The following SPOUT1 variants were observed in gnomAD, a reference collection of about 807,000 sequenced individuals.
The protein encoded by SPOUT1 is SPOUT domain containing methyltransferase 1, also known as 28S rRNA (uridine-N(3))-methyltransferase.
In SPOUT1, 40 loss-of-function variants were observed where a neutral mutation model predicts 54.8. The observed-to-expected ratio is 0.73, with a 90% CI of 0.57 to 0.95. The LOEUF is 0.95. SPOUT1 is among the 40% of genes least tolerant of loss of function. SPOUT1 has a pLI of 0.00. For synonymous variants in SPOUT1, 193 were observed against 200.3 expected (o/e 0.96, Z 0.31); for missense variants, 437 against 499.5 (o/e 0.87, Z 1.19).
chr9:128,825,867 T>C, intron 7 of SPOUT1, 155 bp downstream of exon 7: 1 of 832,218 alleles, frequency 1.2e-6, no homozygotes, highest in Non-Finnish European at 1.9e-6. Context: ...CCTGGCTTTA[T>C]CTATTGAGCC....
In SPOUT1 at chr9:128,821,072, GC is replaced by G; in HGVS notation, c.*1692del. 19 of 568,832 alleles carry G rather than the reference GC, an allele frequency of 3.3e-5. No homozygotes were observed. Among genetic ancestry groups the G allele is most frequent in the South Asian group, 1.5e-4 (7 of 47,346 alleles). The allele number at this position is 568,832 out of a possible 1,614,324, so 35.2% of individuals were successfully genotyped here. A position where few individuals can be genotyped will look rare whatever the true frequency, so the allele number is the denominator to read the frequency against. Reference sequence around the variant, plus strand: ...ACCATCTCTCCTCTGCCCATGGGCAGCAGCAGGCCCTGAATCTGCCCCCGCT... The same window carrying G: ...ACCATCTCTCCTCTGCCCATGGGCAGAGCAGGCCCTGAATCTGCCCCCGCT... On this transcript the variant is annotated 3_prime_UTR_variant, in exon 12 of 12. Transcript: ENST00000361256.
At position 128,820,667 on chromosome 9, in the gene SPOUT1, C is replaced by T; in HGVS notation, c.*2098G>A. 2 of 1,325,444 alleles carry T rather than the reference C, an allele frequency of 1.5e-6. No individual in the cohort carries two copies. Among genetic ancestry groups the T allele is most frequent in the East Asian group, 2.5e-5 (1 of 40,248 alleles). The allele number at this position is 1,325,444 out of a possible 1,614,324, so 82.1% of individuals were successfully genotyped here. On this transcript the variant is annotated 3_prime_UTR_variant, in exon 12 of 12. Coordinates refer to ENST00000361256, the MANE Select transcript of SPOUT1 (RefSeq NM_016390.4). ...TCTGAGCCTGTCCATCCCCTCAGGA[C>T]CTGGGGCGGCCCTCTGATAGAGGAG... is the stretch of plus-strand genomic sequence containing the variant.
At chr9:128,823,577 A>G (rs1466642659) in intron 11 of SPOUT1, among the ~76,000 whole-genome samples, 170 bp downstream of exon 11, 1 of 152,152 alleles carries the variant, frequency 6.6e-6, no homozygotes, top group Non-Finnish European at 1.5e-5. Flanking sequence ...GTTGACTCCC[A>G]GCTACACTCA....
At chr9:128,825,873 G>C (rs1564435787) in intron 7 of SPOUT1, 149 bp downstream of exon 7, 2 of 887,364 alleles carry the variant, frequency 2.3e-6, no homozygotes, top group East Asian at 4.9e-5. Context: ...TTTATCTATT[G>C]AGCCCCATTT....
In SPOUT1 at chr9:128,826,024, T is replaced by C; in HGVS notation, c.637A>G (p.Lys213Glu). 6.2e-7 allele frequency: 1 copy of C among 1,614,122 alleles called. No homozygotes were observed. Among genetic ancestry groups the C allele is most frequent in the Non-Finnish European group, 8.5e-7 (1 of 1,180,026 alleles). The change falls in exon 7 of 12, where the codon AAG (lysine) becomes GAG (glutamate). Residue 213 changes from lysine to glutamate, a missense_variant and splice_region_variant. Physicochemically the swap from Lys to Glu is moderately conservative, Grantham distance 56. Transcript: ENST00000361256. The surrounding 1 kb of genome is among the most constrained non-coding windows in gnomAD (Gnocchi z 5.5). Reference sequence around the variant, plus strand: ...CTAGCCCATCTTTCTGTTCCTACCTTTTTCATGCCACAGTTGACAAAGGAG... The same window carrying C: ...CTAGCCCATCTTTCTGTTCCTACCTCTTTCATGCCACAGTTGACAAAGGAG... ...HGSFVNCGMK[K>E]EVKIDKNLEP...
Position 128,826,958 on chromosome 9 carries a change from T to C in SPOUT1, c.368+74A>G, listed in dbSNP as rs1042235410. 3 of 1,463,596 alleles carry C rather than the reference T, an allele frequency of 2.0e-6. No individual in the cohort carries two copies. The highest frequency in any genetic ancestry group is 2.8e-5 in the African/African-American group (2 of 72,114). The allele number at this position is 1,463,596 out of a possible 1,614,324, so 90.7% of individuals were successfully genotyped here. A position where few individuals can be genotyped will look rare whatever the true frequency, so the allele number is the denominator to read the frequency against. On this transcript the variant is annotated intron_variant, in intron 4 of 11. Transcript: ENST00000361256. The surrounding 1 kb of genome is among the most constrained non-coding windows in gnomAD (Gnocchi z 5.5). ...AGAGCCAGGCATGTGGACGGGGCCA[T>C]GGTGAAGCCTCGGCCCATCCCGGCA...
chr9:128,822,031 G>A lies in SPOUT1; in HGVS notation c.*734C>T. 2.3e-6 allele frequency: 1 copy of A among 436,644 alleles called. No homozygotes were observed. Among genetic ancestry groups the A allele is most frequent in the Non-Finnish European group, 4.2e-6 (1 of 235,608 alleles). The allele number at this position is 436,644 out of a possible 1,614,324, so 27.0% of individuals were successfully genotyped here. A position where few individuals can be genotyped will look rare whatever the true frequency, so the allele number is the denominator to read the frequency against. On this transcript the variant is annotated 3_prime_UTR_variant, in exon 12 of 12. Coordinates refer to ENST00000361256, the MANE Select transcript of SPOUT1 (RefSeq NM_016390.4). ...GTGGGGAGAGATGGACAGTCGTTAA[G>A]TCTCCCCTCAGACGAATGTGAATAT...
chr9:128,822,216 T>A lies in SPOUT1; in HGVS notation c.*549A>T. 7.6e-7 allele frequency: 1 copy of A among 1,308,310 alleles called. No homozygotes were observed. Among genetic ancestry groups the A allele is most frequent in the South Asian group, 1.4e-5 (1 of 70,754 alleles). 81.0% of individuals were successfully genotyped at this position (1,308,310 alleles called of 1,614,324 possible). On this transcript the variant is annotated 3_prime_UTR_variant, in exon 12 of 12. Coordinates refer to ENST00000361256, the MANE Select transcript of SPOUT1 (RefSeq NM_016390.4). Reference sequence around the variant, plus strand: ...CTACAGAAGTCTCACAGTGAGGGCGTGGTCCTGCAGGTTGACAGAAGTTAG... The same window carrying A: ...CTACAGAAGTCTCACAGTGAGGGCGAGGTCCTGCAGGTTGACAGAAGTTAG...
rs1276933249 is a variant in SPOUT1 at position 128,823,825 on chromosome 9, C to T, written c.984G>A (p.Glu328=). ...EAGADADPNL[E]VAEPSVLFDL... is the part of the protein sequence containing the mutation. ...CAAAGAGGACACTGGGTTCAGCCAC[C>T]TCCAGGTTGGGGTCAGCATCCGCTC... The change falls in exon 11 of 12, where the codon GAG becomes GAA. Residue 328 remains glutamate (E), a synonymous_variant. Transcript: ENST00000361256. The T allele has an allele frequency of 2.1e-5, 34 of 1,612,056 alleles. No individual in the cohort carries two copies. Among genetic ancestry groups the T allele is most frequent in the Middle Eastern group, 1.6e-4 (1 of 6,062 alleles).
Position 128,820,659 on chromosome 9 carries a change from C to A in SPOUT1, c.*2106G>T. 8.3e-7 allele frequency: 1 copy of A among 1,203,590 alleles called. No homozygotes were observed. Among genetic ancestry groups the A allele is most frequent in the Non-Finnish European group, 1.2e-6 (1 of 831,458 alleles). The allele number at this position is 1,203,590 out of a possible 1,614,324, so 74.6% of individuals were successfully genotyped here. A position where few individuals can be genotyped will look rare whatever the true frequency, so the allele number is the denominator to read the frequency against. On this transcript the variant is annotated 3_prime_UTR_variant, in exon 12 of 12. Coordinates refer to ENST00000361256, the MANE Select transcript of SPOUT1 (RefSeq NM_016390.4). ...TGGATATCTCTGAGCCTGTCCATCC[C>A]CTCAGGACCTGGGGCGGCCCTCTGA...
At position 128,825,052 on chromosome 9, in the gene SPOUT1, G is replaced by A. The variant is rs201837749; in HGVS notation, c.640-3C>T. 1.0e-4 allele frequency: 160 copies of A among 1,562,742 alleles called. No homozygotes were observed. The East Asian group carries it at 3.7e-3, about 36-fold the overall frequency. Reference sequence around the variant, plus strand: ...AGGTTCTTGTCAATCTTCACCTCCTGGGGAGAAGCCAGAAGAAATGGGTGC... The same window carrying A: ...AGGTTCTTGTCAATCTTCACCTCCTAGGGAGAAGCCAGAAGAAATGGGTGC... On this transcript the variant is annotated splice_region_variant and splice_polypyrimidine_tract_variant and intron_variant, in intron 7 of 11. Transcript: ENST00000361256.
intron 1 of SPOUT1, among the ~76,000 whole-genome samples, chr9:128,829,455 A>G (rs369006047): frequency 1.3e-5 from 2 of 152,254 alleles, no homozygotes; most frequent in African/African-American, 4.8e-5. Context: ...GGAAGTCAGA[A>G]AAGGGCTCCA....
chr9:128,829,023 G>A lies in SPOUT1; in HGVS notation c.82+87C>T, dbSNP rs956294115. The A allele has an allele frequency of 4.6e-6, 7 of 1,514,450 alleles. No homozygotes were observed. In the East Asian group the frequency reaches 9.0e-5, roughly 19 times the overall value. 93.8% of individuals were successfully genotyped at this position (1,514,450 alleles called of 1,614,324 possible). On this transcript the variant is annotated intron_variant, in intron 2 of 11. Coordinates refer to ENST00000361256, the MANE Select transcript of SPOUT1 (RefSeq NM_016390.4). ...ACTTTGTGTGCTGCAGGACCCAGAG[G>A]GAACAAAGTTGGTGTCTTTCTCCAG...
chr9:128,827,197 CA>C lies in SPOUT1; in HGVS notation c.209-7del. The stretch of plus-strand genomic sequence containing the variant: ...GCTCAGTGTGTAGGGCCGCCCTGAG[CA>C]GGGGAGGGATGTTCCCAGCCAGTGT... On this transcript the variant is annotated splice_region_variant and splice_polypyrimidine_tract_variant and intron_variant, in intron 3 of 11. Transcript: ENST00000361256. The C allele has an allele frequency of 2.5e-6, 4 of 1,607,138 alleles. No homozygotes were observed. Among genetic ancestry groups the C allele is most frequent in the Non-Finnish European group, 3.4e-6 (4 of 1,176,318 alleles).
chr9:128,822,818 A>G lies in SPOUT1; in HGVS notation c.1078T>C (p.Ser360Pro). 1 of 1,590,408 alleles carries G rather than the reference A, an allele frequency of 6.3e-7. No homozygotes were observed. ...AGGCCAGGCTGCAGGGCGGCCAGGG[A>G]GATGAGGATGGCTTCCTGGAAGAGA... is the stretch of plus-strand genomic sequence containing the variant. ...TIRTEEAILI[S>P]LAALQPGLIQ... Residue 360 changes from serine (S) to proline (P), a missense_variant, in exon 12 of 12, where the codon TCC becomes CCC. By Grantham distance (74) the Ser-to-Pro change is moderately conservative. Transcript: ENST00000361256.
rs1830131590 is a variant in SPOUT1, at chr9:128,822,121, A to C, written c.*644T>G. The C allele has an allele frequency of 3.3e-6, 2 of 612,990 alleles. No homozygotes were observed. The highest frequency in any genetic ancestry group is 3.7e-5 in the African/African-American group (2 of 54,088). The allele number at this position is 612,990 out of a possible 1,614,324, so 38.0% of individuals were successfully genotyped here. A position where few individuals can be genotyped will look rare whatever the true frequency, so the allele number is the denominator to read the frequency against. ...CACTCTGCCTGACCCAGTGTTGGGCATAAGGAAAACAGAGGGAAAGAGTTA... is the reference window on the plus strand; with the variant it reads ...CACTCTGCCTGACCCAGTGTTGGGCCTAAGGAAAACAGAGGGAAAGAGTTA... On this transcript the variant is annotated 3_prime_UTR_variant, in exon 12 of 12. Coordinates refer to ENST00000361256, the MANE Select transcript of SPOUT1 (RefSeq NM_016390.4).
intron 7 of SPOUT1, 187 bp downstream of exon 7, chr9:128,825,835 T>C: frequency 1.5e-6 from 1 of 679,352 alleles, no homozygotes; most frequent in Non-Finnish European, 2.5e-6. Flanking sequence ...TGATTTGCTT[T>C]TTAAGCAACA....
intron 1 of SPOUT1, 78 bp downstream of exon 1, chr9:128,829,667 C>G (rs1830313920): frequency 8.5e-7 from 1 of 1,170,236 alleles, no homozygotes; most frequent in Non-Finnish European, 1.2e-6. Context: ...CGGCCCGGCC[C>G]CGGCGAAGGC....
Position 128,822,166 on chromosome 9 carries a change from C to T in SPOUT1, c.*599G>A. The T allele has an allele frequency of 1.3e-6, 1 of 799,460 alleles. No homozygotes were observed. Among genetic ancestry groups the T allele is most frequent in the Non-Finnish European group, 1.9e-6 (1 of 517,148 alleles). The allele number at this position is 799,460 out of a possible 1,614,324, so 49.5% of individuals were successfully genotyped here. On this transcript the variant is annotated 3_prime_UTR_variant, in exon 12 of 12. Coordinates refer to ENST00000361256, the MANE Select transcript of SPOUT1 (RefSeq NM_016390.4). Reference sequence around the variant, plus strand: ...GAGTTAACCACCCTGGAGAGAGTTCCAGCCTCAAGGAGGAGCCAGGCAGGC... The same window carrying T: ...GAGTTAACCACCCTGGAGAGAGTTCTAGCCTCAAGGAGGAGCCAGGCAGGC...
Sources: gnomAD v4.1 joint callset for allele counts (sites outside exome capture counted in the v4.1 genomes callset) on GRCh38, gnomAD v4.1.1 for gene constraint, Gnocchi (gnomAD v3.1) non-coding constraint, MANE v1.5 for transcripts, NCBI Gene and HGNC (gene_info 2026-07-23, HGNC 2026-07-21) for gene names.